The following PCSK5 variants were observed in gnomAD, a reference collection of about 807,000 sequenced individuals.
PCSK5 encodes prohormone convertase 5.
Under a neutral mutation model 233.2 loss-of-function variants are expected in PCSK5, and 129 were observed. The ratio of observed to expected loss-of-function variants is 0.55; its 90% confidence interval spans 0.48 to 0.64. The LOEUF is 0.64. Among genes scored for constraint, PCSK5 ranks in the 30% least tolerant of loss-of-function variants. The pLI is 0.00. For missense variants in PCSK5, 2,076 were observed against 2,430.1 expected (o/e 0.85, Z 3.06); for synonymous variants, 825 against 879.2 (o/e 0.94, Z 1.09).
intron 24 of PCSK5, among the ~76,000 whole-genome samples, chr9:76,289,087 A>G (rs1828180441): frequency 6.6e-6 from 1 of 152,188 alleles, no homozygotes; most frequent in African/African-American, 2.4e-5. Context: ...GACACAGGGG[A>G]TCATGAAGAG....
chr9:76,090,396 T>C (rs768862258), intron 7 of PCSK5, among the ~76,000 whole-genome samples: 13 of 152,210 alleles, frequency 8.5e-5, no homozygotes, highest in Non-Finnish European at 1.5e-4. Context: ...GCTAATTGTT[T>C]AGGATTAACC....
In PCSK5 at chr9:76,362,190, G is replaced by A. The variant is rs1348827256; in HGVS notation, c.*3268G>A. 6.6e-6 allele frequency: 1 copy of A among 152,082 alleles called. No homozygotes were observed. Among genetic ancestry groups the A allele is most frequent in the Non-Finnish European group, 1.5e-5 (1 of 68,024 alleles). 9.4% of individuals were successfully genotyped at this position (152,082 alleles called of 1,614,324 possible). On this transcript the variant is annotated 3_prime_UTR_variant, in exon 38 of 38. Transcript: ENST00000674117. ...TATCTAAATAGATAAATATGTGATT[G>A]GAAAACAAAGTCACCTTTTAGTTTT...
chr9:75,960,193 A>T (rs1825286282), intron 2 of PCSK5, among the ~76,000 whole-genome samples: 1 of 145,566 alleles, frequency 6.9e-6, no homozygotes, highest in South Asian at 2.1e-4. Context: ...AATAAAGATA[A>T]AACAGACAAT....
At chr9:75,993,892 T>C (rs1206110619) in intron 3 of PCSK5, among the ~76,000 whole-genome samples, 1 of 152,232 alleles carries the variant, frequency 6.6e-6, no homozygotes, top group Non-Finnish European at 1.5e-5. Context: ...AGGAGTCTCA[T>C]AGGCATCCCT....
intron 20 of PCSK5, among the ~76,000 whole-genome samples, chr9:76,221,686 C>T (rs978040596): frequency 2.6e-5 from 4 of 152,264 alleles, no homozygotes; most frequent in Middle Eastern, 3.4e-3. Context: ...GGCCAAACGA[C>T]GGTGGAAACT....
intron 7 of PCSK5, among the ~76,000 whole-genome samples, chr9:76,088,977 T>C (rs1027020820): frequency 6.6e-6 from 1 of 151,120 alleles, no homozygotes; most frequent in African/African-American, 2.4e-5. Context: ...CTAGATGAGA[T>C]CTATTTCTTT....
intron 21 of PCSK5, among the ~76,000 whole-genome samples, chr9:76,232,237 G>A (rs1424306249): frequency 6.6e-6 from 1 of 152,186 alleles, no homozygotes; most frequent in Non-Finnish European, 1.5e-5. Context: ...AAGTGGAGAG[G>A]AGTAGTAGAG....
chr9:76,077,946 C>T (rs552102381), intron 7 of PCSK5, among the ~76,000 whole-genome samples: 3 of 152,130 alleles, frequency 2.0e-5, no homozygotes, highest in Non-Finnish European at 4.4e-5. Flanking sequence ...CTAGGTTGAA[C>T]GGTAGCTCTG....
intron 7 of PCSK5, among the ~76,000 whole-genome samples, chr9:76,082,060 C>T (rs1249142567): frequency 6.6e-6 from 1 of 151,914 alleles, no homozygotes; most frequent in African/African-American, 2.4e-5. Flanking sequence ...CATCATTGCT[C>T]CTTATGACTG....
intron 3 of PCSK5, among the ~76,000 whole-genome samples, chr9:75,999,291 G>C (rs1415021514): frequency 2.0e-5 from 3 of 151,882 alleles, no homozygotes; most frequent in Non-Finnish European, 4.4e-5. Context: ...ATGTGGAGTC[G>C]GTCGGGAGAC....
intron 23 of PCSK5, among the ~76,000 whole-genome samples, chr9:76,240,151 G>T (rs1489788190): frequency 6.6e-6 from 1 of 152,204 alleles, no homozygotes; most frequent in African/African-American, 2.4e-5. Flanking sequence ...GTCTGGTGCT[G>T]AAGAGAGCTC....
At chr9:76,121,546 C>T (rs1430339974) in intron 9 of PCSK5, among the ~76,000 whole-genome samples, 1 of 152,152 alleles carries the variant, frequency 6.6e-6, no homozygotes, top group Admixed American at 6.5e-5. Flanking sequence ...ATGTAATTCT[C>T]ATCTATAAGG....
At chr9:76,334,222 T>C (rs1201786386) in intron 34 of PCSK5, among the ~76,000 whole-genome samples, 1 of 152,030 alleles carries the variant, frequency 6.6e-6, no homozygotes, top group Non-Finnish European at 1.5e-5. Context: ...TCCCACAGGG[T>C]CCCTCCCACA....
chr9:75,902,430 A>G (rs983489201), intron 1 of PCSK5, among the ~76,000 whole-genome samples: 2 of 152,130 alleles, frequency 1.3e-5, no homozygotes, highest in African/African-American at 4.8e-5. Flanking sequence ...TAGGGTGGCC[A>G]TAGCGGCTTT....
rs541818039 is a variant in PCSK5 at position 76,210,804 on chromosome 9, G to T, written c.2627-16699G>T. Among the ~76,000 whole-genome samples, 4 of 152,286 alleles carry T rather than the reference G, an allele frequency of 2.6e-5. No individual in the cohort carries two copies. In the South Asian group the frequency reaches 6.2e-4, roughly 24 times the overall value. Reference sequence around the variant, plus strand: ...TAAATCCACCATATGGTATAGAAATGATTGAGCTAAAAGACATGGGCTGGT... The same window carrying T: ...TAAATCCACCATATGGTATAGAAATTATTGAGCTAAAAGACATGGGCTGGT... On this transcript the variant is annotated intron_variant, in intron 20 of 37. Transcript: ENST00000674117.
chr9:76,251,175 G>A (rs530219242), intron 24 of PCSK5, among the ~76,000 whole-genome samples: 4 of 152,290 alleles, frequency 2.6e-5, no homozygotes, highest in African/African-American at 9.6e-5. Flanking sequence ...ACTGAGGTGG[G>A]AGGAAGACTT....
rs555310881 is a variant in PCSK5 at position 76,358,499 on chromosome 9, T to G, written c.5255-14T>G. ...TTCCCTCTTGCCTCTTCCTTTGAGG[T>G]CTTCTTCCAACAGACGAATGCATCC... On this transcript the variant is annotated splice_polypyrimidine_tract_variant and intron_variant, in intron 37 of 37. Coordinates refer to ENST00000674117, the MANE Select transcript of PCSK5 (RefSeq NM_001372043.1). The G allele has an allele frequency of 1.1e-5, 17 of 1,596,178 alleles. No individual in the cohort carries two copies. The East Asian group carries it at 3.8e-4, about 36-fold the overall frequency.
chr9:76,137,739 T>C (rs968819726), intron 10 of PCSK5, among the ~76,000 whole-genome samples: 1 of 152,060 alleles, frequency 6.6e-6, no homozygotes, highest in African/African-American at 2.4e-5. Context: ...ATTATTTGCC[T>C]TAGACCAGAT....
intron 20 of PCSK5, among the ~76,000 whole-genome samples, chr9:76,206,797 A>G (rs1003720158): frequency 2.0e-5 from 3 of 152,210 alleles, no homozygotes; most frequent in Non-Finnish European, 1.5e-5. Flanking sequence ...ACTGAACTGC[A>G]TTTGTAATCT....
Sources: gnomAD v4.1 joint callset for allele counts (sites outside exome capture counted in the v4.1 genomes callset) on GRCh38, gnomAD v4.1.1 for gene constraint, MANE v1.5 for transcripts, NCBI Gene and HGNC (gene_info 2026-07-23, HGNC 2026-07-21) for gene names.